Variants in GLT1D1 observed in about 807,000 individuals in gnomAD.
GLT1D1 encodes glycosyltransferase 1 domain-containing protein 1.
A neutral mutation model predicts 28.7 loss-of-function variants in GLT1D1; 21 were observed. That is an observed-to-expected ratio of 0.73 (90% CI 0.52 to 1.05). GLT1D1 has a LOEUF of 1.05. Among genes scored for constraint, GLT1D1 ranks in the 50% least tolerant of loss-of-function variants. The pLI, the probability that GLT1D1 is intolerant of heterozygous loss-of-function variation, is 0.00. For missense variants in GLT1D1, 343 were observed against 330.6 expected, an observed-to-expected ratio of 1.04 and a Z score of -0.29; for synonymous variants, 147 against 124.8, an observed-to-expected ratio of 1.18 and a Z score of -1.19.
At position 128,925,277 on chromosome 12, in the gene GLT1D1, C is replaced by A. The variant is rs547433056; in HGVS notation, c.376-20049C>A. ...ATGGTGGTTTGCTACACAGATTATC[C>A]AATCACTTAGGTGTTAAGCCCAAGC... On this transcript the variant is annotated intron_variant, in intron 4 of 7. Transcript: ENST00000281703. 2.6e-5 allele frequency among the ~76,000 whole-genome samples: 4 copies of A among 152,220 alleles called. No homozygotes were observed. The East Asian group carries it at 7.7e-4, about 29-fold the overall frequency.
chr12:128,891,132 A>AAAAAT (rs1307904712), intron 3 of GLT1D1, among the ~76,000 whole-genome samples: 1 of 151,806 alleles, frequency 6.6e-6, no homozygotes, highest in Non-Finnish European at 1.5e-5. Flanking sequence ...AATTAATTAA[A>AAAAAT]AAAATAAAAA....
intron 3 of GLT1D1, among the ~76,000 whole-genome samples, chr12:128,895,722 G>C (rs1180623588): frequency 6.6e-6 from 1 of 152,064 alleles, no homozygotes; most frequent in Non-Finnish European, 1.5e-5. Flanking sequence ...GCCTCCCAAA[G>C]TGCTGAGATT....
At position 128,973,179 on chromosome 12, in the gene GLT1D1, G is replaced by GTTTTTTTTTTT. The variant is rs61169176; in HGVS notation, c.640-9733_640-9723dup. ...CTTTTCTGTTTTGTTTGTTTGCTTG[G>GTTTTTTTTTTT]TTTTTTTTTTTTTTTTTTTTTTTTT... On this transcript the variant is annotated intron_variant, in intron 7 of 7. Coordinates refer to ENST00000281703, the MANE Select transcript of GLT1D1 (RefSeq NM_144669.3). 1.2e-4 allele frequency among the ~76,000 whole-genome samples: 6 copies of GTTTTTTTTTTT among 50,986 alleles called. 2 individuals carry two copies. The highest frequency in any genetic ancestry group is 1.9e-3 in the South Asian group (2 of 1,080). 33.4% of individuals were successfully genotyped at this position (50,986 alleles called of 152,430 possible).
At position 128,983,304 on chromosome 12, in the gene GLT1D1, G is replaced by C. The variant is rs1880515277; in HGVS notation, c.*214G>C. The stretch of plus-strand genomic sequence containing the variant: ...CTGTCCCAGGCGTGTTCACCAGCCA[G>C]TCCTGATGGAGGTGCATGAGTGACT... On this transcript the variant is annotated 3_prime_UTR_variant, in exon 8 of 8. Coordinates refer to ENST00000281703, the MANE Select transcript of GLT1D1 (RefSeq NM_144669.3). This position sits in a 1 kb window ranked among gnomAD's most constrained non-coding sequence, Gnocchi z 4.7. 2 of 535,294 alleles carry C rather than the reference G, an allele frequency of 3.7e-6. No individual in the cohort carries two copies. The highest frequency in any genetic ancestry group is 3.8e-5 in the African/African-American group (2 of 53,002). The allele number at this position is 535,294 out of a possible 1,614,324, so 33.2% of individuals were successfully genotyped here. A position where few individuals can be genotyped will look rare whatever the true frequency, so the allele number is the denominator to read the frequency against.
chr12:128,889,453 G>C (rs1450757284), intron 3 of GLT1D1, among the ~76,000 whole-genome samples: 1 of 152,042 alleles, frequency 6.6e-6, no homozygotes, highest in Non-Finnish European at 1.5e-5. Flanking sequence ...TGATAATCCT[G>C]GGGGCTGCCC....
At chr12:128,954,458 G>T (rs1383919310) in intron 6 of GLT1D1, among the ~76,000 whole-genome samples, 1 of 151,832 alleles carries the variant, frequency 6.6e-6, no homozygotes, top group East Asian at 1.9e-4. Context: ...ATTTTAATTT[G>T]CTTTATCTCG....
chr12:128,857,062 A>G (rs953156122), intron 1 of GLT1D1, among the ~76,000 whole-genome samples: 5 of 152,256 alleles, frequency 3.3e-5, no homozygotes, highest in African/African-American at 9.6e-5. Context: ...ATTACCTGTT[A>G]TTTAATATTT....
chr12:128,853,738 G>T, intron 1 of GLT1D1, 89 bp downstream of exon 1: 2 of 859,484 alleles, frequency 2.3e-6, no homozygotes, highest in Non-Finnish European at 2.8e-6. Flanking sequence ...CGCTCAGCCA[G>T]GCCCCCTCCA....
rs888478658 is a variant in GLT1D1, at chr12:128,907,180, T to A, written c.375+7893T>A. Among the ~76,000 whole-genome samples, 16 of 152,164 alleles carry A rather than the reference T, an allele frequency of 1.1e-4. No homozygotes were observed. In the East Asian group the frequency reaches 2.9e-3, roughly 28 times the overall value. On this transcript the variant is annotated intron_variant, in intron 4 of 7. Transcript: ENST00000281703. ...ATACCTTTTATTAGAGTTCCCACCC[T>A]CCTGGAAACATAAAAATGCATTGAA...
rs781562158 is a variant in GLT1D1 at position 128,945,231 on chromosome 12, C to T, written c.376-95C>T. On this transcript the variant is annotated intron_variant, in intron 4 of 7. Transcript: ENST00000281703. Reference sequence around the variant, plus strand: ...TGGCCGCAGACCGAGGCCCACGCCGCGCTGGCACCAGGGCTTTGGCCTGGC... The same window carrying T: ...TGGCCGCAGACCGAGGCCCACGCCGTGCTGGCACCAGGGCTTTGGCCTGGC... 63 of 1,286,462 alleles carry T rather than the reference C, an allele frequency of 4.9e-5. No individual in the cohort carries two copies. The Middle Eastern group carries it at 7.4e-4, about 15-fold the overall frequency. 79.7% of individuals were successfully genotyped at this position (1,286,462 alleles called of 1,614,324 possible). A position where few individuals can be genotyped will look rare whatever the true frequency, so the allele number is the denominator to read the frequency against.
intron 2 of GLT1D1, among the ~76,000 whole-genome samples, chr12:128,885,884 G>T (rs887689750): frequency 2.0e-5 from 3 of 152,046 alleles, no homozygotes; most frequent in African/African-American, 7.2e-5. Flanking sequence ...AGTTTTTATT[G>T]GGGGAATATC....
At chr12:128,892,850 A>G (rs541422717) in intron 3 of GLT1D1, among the ~76,000 whole-genome samples, 25 of 152,278 alleles carry the variant, frequency 1.6e-4, no homozygotes, top group Middle Eastern at 3.4e-3. Context: ...TTATAATGTA[A>G]TAAGTACTTG....
chr12:128,858,273 G>A (rs919178324), intron 1 of GLT1D1, among the ~76,000 whole-genome samples: 4 of 152,042 alleles, frequency 2.6e-5, no homozygotes, highest in East Asian at 1.9e-4. Flanking sequence ...ATAACATTAT[G>A]AGACAAGAAA....
rs147119004 is a variant in GLT1D1 at position 128,909,220 on chromosome 12, G to T, written c.375+9933G>T. On this transcript the variant is annotated intron_variant, in intron 4 of 7. Coordinates refer to ENST00000281703, the MANE Select transcript of GLT1D1 (RefSeq NM_144669.3). ...ATTAAAGTACTTCCTAGTAAAAAAA[G>T]AAAAGAAAAGAAAAGAAAAATTGTT... Among the ~76,000 whole-genome samples, 141 of 151,878 alleles carry T rather than the reference G, an allele frequency of 9.3e-4. 1 individual carries two copies. Among genetic ancestry groups the T allele is most frequent in the African/African-American group, 3.2e-3 (133 of 41,392 alleles).
chr12:128,945,419 G>GT (rs1875942436), intron 5 of GLT1D1, 50 bp downstream of exon 9: 1 of 1,445,366 alleles, frequency 6.9e-7, no homozygotes, highest in Non-Finnish European at 9.7e-7. Context: ...AGCCTGAGTG[G>GT]CCCCTGGGTT....
chr12:128,922,782 G>A (rs1253826816), intron 4 of GLT1D1, among the ~76,000 whole-genome samples: 1 of 151,976 alleles, frequency 6.6e-6, no homozygotes, highest in Non-Finnish European at 1.5e-5. Context: ...AAAGAGCCGG[G>A]CATGATGGCC....
chr12:128,970,261 G>A (rs1446823483), intron 7 of GLT1D1, among the ~76,000 whole-genome samples: 3 of 152,162 alleles, frequency 2.0e-5, no homozygotes, highest in Admixed American at 6.5e-5. Flanking sequence ...TTGCAGGTGC[G>A]TGCACAAGCA....
chr12:128,945,281 A>G, intron 4 of GLT1D1, 45 bp from the exon 9 acceptor site: 1 of 1,597,342 alleles, frequency 6.3e-7, no homozygotes, highest in Non-Finnish European at 8.6e-7. Flanking sequence ...TGGCAGCGCC[A>G]CTAGCAGGCG....
chr12:128,871,064 C>T (rs768168384), intron 1 of GLT1D1, among the ~76,000 whole-genome samples: 3 of 152,142 alleles, frequency 2.0e-5, no homozygotes, highest in Non-Finnish European at 2.9e-5. Context: ...CTGCATTCCA[C>T]GCACTCTGCT....
Sources: gnomAD v4.1 joint callset for allele counts (sites outside exome capture counted in the v4.1 genomes callset) on GRCh38, gnomAD v4.1.1 for gene constraint, Gnocchi (gnomAD v3.1) non-coding constraint, MANE v1.5 for transcripts, NCBI Gene and HGNC (gene_info 2026-07-23, HGNC 2026-07-21) for gene names.